Variants in USP54 observed in about 807,000 individuals in gnomAD.
The protein encoded by USP54 is ubiquitin specific peptidase 54.
In USP54, 87 loss-of-function variants were observed where a neutral mutation model predicts 170.5. The ratio of observed to expected loss-of-function variants is 0.51; its 90% CI spans 0.43 to 0.61. The LOEUF is 0.61. Ranked by LOEUF, USP54 falls within the 20% of genes least tolerant of loss-of-function variation. The probability of loss-of-function intolerance (pLI) is 0.00; values close to 1 mark genes in which losing one functional copy is unlikely to be tolerated. For missense variants in USP54, 1,786 were observed against 2,047.8 expected (o/e 0.87, Z 2.47); for synonymous variants, 655 against 742.8 (o/e 0.88, Z 1.92).
chr10:73,620,659 C>G (rs542187379), intron 1 of USP54, among the ~76,000 whole-genome samples: 8 of 149,188 alleles, frequency 5.4e-5, no homozygotes, highest in Non-Finnish European at 5.9e-5. Flanking sequence ...ATTTGGGGGC[C>G]GGGAGTGGTG....
intron 1 of USP54, among the ~76,000 whole-genome samples, chr10:73,598,514 C>T (rs1300967590): frequency 4.6e-5 from 7 of 152,174 alleles, no homozygotes; most frequent in African/African-American, 9.7e-5. Context: ...CAGTGGCTCA[C>T]GCCTGTACTC....
chr10:73,596,397 A>T (rs778243012), intron 1 of USP54, among the ~76,000 whole-genome samples: 6 of 152,006 alleles, frequency 3.9e-5, no homozygotes, highest in Non-Finnish European at 5.9e-5. Context: ...CTCTACTAAA[A>T]ATACAAAAAA....
rs189614712 is a variant in USP54 at position 73,556,590 on chromosome 10, C to T, written c.241-10918G>A. Among the ~76,000 whole-genome samples, 593 of 152,078 alleles carry T rather than the reference C, an allele frequency of 3.9e-3. 1 individual carries two copies. Among genetic ancestry groups the T allele is most frequent in the Non-Finnish European group, 5.8e-3 (396 of 67,988 alleles). On this transcript the variant is annotated intron_variant, in intron 4 of 23. Coordinates refer to ENST00000687698, the MANE Select transcript of USP54 (RefSeq NM_001391956.1). Reference sequence around the variant, plus strand: ...TCAACTCCTGACCTCGTGATCCACCCGTCTCGGCCTCCCAAAGTGCTGGGA... The same window carrying T: ...TCAACTCCTGACCTCGTGATCCACCTGTCTCGGCCTCCCAAAGTGCTGGGA...
At chr10:73,563,468 G>A (rs1019617497) in intron 4 of USP54, among the ~76,000 whole-genome samples, 3 of 151,444 alleles carry the variant, frequency 2.0e-5, no homozygotes, top group Non-Finnish European at 4.4e-5. Context: ...ATGGAGTTTC[G>A]CTCTTGTTGC....
rs766162537 is a variant in USP54 at position 73,516,962 on chromosome 10, A to C, written c.3464T>G (p.Leu1155Trp). 6.2e-7 allele frequency: 1 copy of C among 1,614,056 alleles called. No individual in the cohort carries two copies. Among genetic ancestry groups the C allele is most frequent in the Admixed American group, 1.7e-5 (1 of 60,006 alleles). ...RDSTGFKDRSLSGSLRKNSSP... is the reference protein window; with the variant it reads ...RDSTGFKDRSWSGSLRKNSSP... Reference sequence around the variant, plus strand: ...AGAGTTCTTCCTTAGACTACCTGACAAACTTCTATCCTTGAAACCTGTACT... The same window carrying C: ...AGAGTTCTTCCTTAGACTACCTGACCAACTTCTATCCTTGAAACCTGTACT... Residue 1155 changes from leucine (L) to tryptophan (W), a missense_variant, in exon 20 of 24, where the codon TTG becomes TGG. Leu to Trp is a moderately conservative substitution (Grantham distance 61). Around this residue, in one of 3 missense-constraint regions of USP54, gnomAD observed 1,418 missense variants for 1,569.0 expected, o/e 0.90. Transcript: ENST00000687698.
At chr10:73,517,949 G>C (rs1311411608) in intron 19 of USP54, among the ~76,000 whole-genome samples, 5 of 152,190 alleles carry the variant, frequency 3.3e-5, no homozygotes, top group Admixed American at 3.3e-4. Context: ...CAGGTAAATA[G>C]GTAACGTTAA....
intron 5 of USP54, 144 bp from the exon 6 acceptor site, chr10:73,543,275 T>G: frequency 1.6e-6 from 1 of 620,360 alleles, no homozygotes; most frequent in East Asian, 2.8e-5. Flanking sequence ...TTTAAAAAAA[T>G]TATAAATTCA....
chr10:73,601,532 C>T (rs1215770721), intron 1 of USP54, among the ~76,000 whole-genome samples: 1 of 151,528 alleles, frequency 6.6e-6, no homozygotes, highest in African/African-American at 2.4e-5. Context: ...TGCTACTCAC[C>T]AAGTGCCTGA....
upstream of USP54, among the ~76,000 whole-genome samples, chr10:73,593,423 T>G (rs558499387): frequency 6.6e-6 from 1 of 151,422 alleles, no homozygotes; most frequent in Non-Finnish European, 1.5e-5. Flanking sequence ...AGAAAAGGTT[T>G]TGGGTACATG....
chr10:73,529,618 C>T (rs778471907), intron 15 of USP54, 62 bp downstream of exon 15: 2 of 1,596,408 alleles, frequency 1.3e-6, no homozygotes, highest in African/African-American at 1.3e-5. Context: ...GCCTGAAAGC[C>T]CCAAGTAGGT....
chr10:73,555,728 C>T (rs2070793595), intron 4 of USP54, among the ~76,000 whole-genome samples: 1 of 152,076 alleles, frequency 6.6e-6, no homozygotes, highest in African/African-American at 2.4e-5. Context: ...GAATACATAA[C>T]CACTTACCCC....
At chr10:73,539,399 T>A (rs1370243119) in intron 10 of USP54, 45 bp downstream of exon 10, 1 of 1,472,158 alleles carries the variant, frequency 6.8e-7, no homozygotes, top group Non-Finnish European at 9.0e-7. Context: ...TATTCTTTTT[T>A]TTTGTAGTCA....
At chr10:73,525,414 G>T in intron 16 of USP54, among the ~76,000 whole-genome samples, 1 of 152,184 alleles carries the variant, frequency 6.6e-6, no homozygotes, top group Non-Finnish European at 1.5e-5. Context: ...GGTGTGTGAA[G>T]AATCTTGTCA....
At chr10:73,595,482 T>C (rs868291872), upstream of USP54, among the ~76,000 whole-genome samples, 2 of 151,348 alleles carry the variant, frequency 1.3e-5, no homozygotes, top group Middle Eastern at 3.4e-3. Context: ...TGGAGAAACT[T>C]TGGCTGTTAA....
intron 1 of USP54, among the ~76,000 whole-genome samples, chr10:73,620,935 C>T (rs2081041690): frequency 6.7e-6 from 1 of 150,182 alleles, no homozygotes; most frequent in Admixed American, 6.6e-5. Flanking sequence ...GCGGGTGGAT[C>T]GCCCAAGGTC....
At chr10:73,541,192 A>G (rs1216847007) in intron 9 of USP54, among the ~76,000 whole-genome samples, 183 bp downstream of exon 9, 1 of 152,226 alleles carries the variant, frequency 6.6e-6, no homozygotes. Flanking sequence ...TTTGCCACCT[A>G]TAAAAGGAGG....
chr10:73,586,040 A>C (rs2077448159), intron 1 of USP54, among the ~76,000 whole-genome samples: 1 of 152,140 alleles, frequency 6.6e-6, no homozygotes, highest in Admixed American at 6.6e-5. Flanking sequence ...CCTAATTATA[A>C]GATAGAATTA....
intron 12 of USP54, among the ~76,000 whole-genome samples, chr10:73,534,261 C>T (rs1458020764): frequency 1.3e-5 from 2 of 151,474 alleles, no homozygotes; most frequent in African/African-American, 4.9e-5. Flanking sequence ...GGCTGGAGTG[C>T]AGTGGCACGA....
In USP54 at chr10:73,527,461, G is replaced by GCAC. The variant is rs1274932195; in HGVS notation, c.2061-684_2061-682dup. ...TGCAGTGAGCCGAGATCGTGCCATT[G>GCAC]CACTCCAGCCTGGTGACAGAGCGAG... On this transcript the variant is annotated intron_variant, in intron 15 of 23. Coordinates refer to ENST00000687698, the MANE Select transcript of USP54 (RefSeq NM_001391956.1). Among the ~76,000 whole-genome samples, 3 of 140,026 alleles carry GCAC rather than the reference G, an allele frequency of 2.1e-5. No individual in the cohort carries two copies. The East Asian group carries it at 6.4e-4, about 30-fold the overall frequency. The allele number at this position is 140,026 out of a possible 152,430, so 91.9% of individuals were successfully genotyped here. A position where few individuals can be genotyped will look rare whatever the true frequency, so the allele number is the denominator to read the frequency against.
Sources: allele counts gnomAD v4.1 joint callset (sites outside exome capture counted in the v4.1 genomes callset), GRCh38; gene constraint gnomAD v4.1.1; regional missense constraint gnomAD v4.1.1; transcripts MANE v1.5; gene names NCBI Gene and HGNC (gene_info 2026-07-23, HGNC 2026-07-21).